MEIOC: variants seen among roughly 807,000 people sequenced by gnomAD.
MEIOC encodes the protein meiosis-specific coiled-coil domain-containing protein MEIOC.
A neutral mutation model predicts 85.3 loss-of-function variants in MEIOC; 9 were observed. That is an observed-to-expected ratio of 0.11 (90% CI 0.06 to 0.18). The LOEUF (loss-of-function observed/expected upper bound fraction) is 0.18. Ranked by LOEUF, MEIOC falls within the 10% of genes least tolerant of loss-of-function variation. The pLI is 1.00. For missense variants in MEIOC, 898 were observed against 1,129.4 expected, an observed-to-expected ratio of 0.80 and a Z score of 2.94; for synonymous variants, 365 against 393.7, an observed-to-expected ratio of 0.93 and a Z score of 0.86.
intron 3 of MEIOC, among the ~76,000 whole-genome samples, chr17:44,663,268 T>TTGATGATGATGATGA (rs10638687): frequency 6.8e-6 from 1 of 147,890 alleles, no homozygotes; most frequent in African/African-American, 2.5e-5. Flanking sequence ...CTTTATAATC[T>TTGATGATGATGATGA]TGATGATGAT....
downstream of MEIOC, chr17:44,676,882 T>G (rs1447308813): frequency 2.3e-6 from 2 of 865,950 alleles, no homozygotes; most frequent in Admixed American, 1.2e-4. Flanking sequence ...AAGGATTTAT[T>G]AGCACCTGAG....
At chr17:44,664,763 C>CA (rs1482568231) in intron 3 of MEIOC, among the ~76,000 whole-genome samples, 1 of 152,188 alleles carries the variant, frequency 6.6e-6, no homozygotes, top group African/African-American at 2.4e-5. Flanking sequence ...TAGTCAGTAT[C>CA]AGTCACTAGG....
Position 44,657,111 on chromosome 17 carries a change from T to C in MEIOC, c.70-16T>C. 2 of 1,545,846 alleles carry C rather than the reference T, an allele frequency of 1.3e-6. No homozygotes were observed. The highest frequency in any genetic ancestry group is 1.2e-5 in the South Asian group (1 of 84,012). On this transcript the variant is annotated splice_polypyrimidine_tract_variant and intron_variant, in intron 1 of 7. Transcript: ENST00000409122. Reference sequence around the variant, plus strand: ...CGTGACCACTTTCTGATATTTCCTATTCCCGTGTGCTGCAGCCCAAAGTCG... The same window carrying C: ...CGTGACCACTTTCTGATATTTCCTACTCCCGTGTGCTGCAGCCCAAAGTCG...
Position 44,667,385 on chromosome 17 carries a change from C to G in MEIOC, c.1474C>G (p.Arg492Gly). The G allele has an allele frequency of 6.2e-7, 1 of 1,613,686 alleles. No homozygotes were observed. The highest frequency in any genetic ancestry group is 1.1e-5 in the South Asian group (1 of 91,074). ...AAAAAATAACACTCCTATTCCTTAT[C>G]GAAATCAAGGTAACTTGATGAAATT... is the stretch of plus-strand genomic sequence containing the variant. Reference protein sequence around the residue: ...QTKNNTPIPYRNQGNLMKLNS... With the variant: ...QTKNNTPIPYGNQGNLMKLNS... Residue 492 changes from arginine to glycine, a missense_variant, in exon 5 of 8, where the codon CGA becomes GGA. Arg to Gly is a moderately radical substitution (Grantham distance 125). This residue lies in a region of MEIOC where 734 missense variants were observed against 860.1 expected (regional missense o/e 0.85). Transcript: ENST00000409122.
chr17:44,673,961 A>T lies in MEIOC; in HGVS notation c.2639-15A>T, dbSNP rs1158071870. ...GGCATTTAATATGAAATGACCCTGA[A>T]TGTTTATTTTACAGATGTTTTTGCC... On this transcript the variant is annotated splice_polypyrimidine_tract_variant and intron_variant, in intron 7 of 7. Coordinates refer to ENST00000409122, the MANE Select transcript of MEIOC (RefSeq NM_001145080.3). The T allele has an allele frequency of 1.3e-6, 2 of 1,549,728 alleles. No homozygotes were observed. Among genetic ancestry groups the T allele is most frequent in the Non-Finnish European group, 1.7e-6 (2 of 1,145,466 alleles).
At chr17:44,660,931 T>A (rs1267543012) in intron 2 of MEIOC, among the ~76,000 whole-genome samples, 72 of 139,780 alleles carry the variant, frequency 5.2e-4, no homozygotes, top group African/African-American at 1.8e-3. Flanking sequence ...CATTTCTATT[T>A]AAAAAAAAAA....
intron 2 of MEIOC, among the ~76,000 whole-genome samples, chr17:44,658,805 A>G (rs1022893908): frequency 6.6e-6 from 1 of 151,748 alleles, no homozygotes; most frequent in African/African-American, 2.4e-5. Flanking sequence ...AAAAAAAAAA[A>G]AAAGAAAAAA....
chr17:44,666,234 C>CT, intron 4 of MEIOC, 142 bp from the exon 5 acceptor site: 2 of 655,150 alleles, frequency 3.1e-6, no homozygotes, highest in Non-Finnish European at 5.1e-6. Flanking sequence ...CTAATGGTAG[C>CT]TTATAAAGCA....
intron 6 of MEIOC, chr17:44,669,912 T>A (rs1480518754): frequency 1.8e-5 from 3 of 165,672 alleles, no homozygotes; most frequent in Non-Finnish European, 3.9e-5. Context: ...GAAGGGTTTT[T>A]AAATCACATT....
rs1043906285 is a variant in MEIOC at position 44,656,547 on chromosome 17, A to G, written c.-67A>G. ...TGCGGGCTGAGGGAGCCGGGCCTGG[A>G]CGCCCCCCCCATCACCCCCGTACCC... On this transcript the variant is annotated 5_prime_UTR_variant, in exon 1 of 8. Transcript: ENST00000409122. The G allele has an allele frequency of 2.4e-6, 3 of 1,241,866 alleles. No individual in the cohort carries two copies. Among genetic ancestry groups the G allele is most frequent in the African/African-American group, 3.2e-5 (2 of 62,280 alleles). 76.9% of individuals were successfully genotyped at this position (1,241,866 alleles called of 1,614,324 possible).
At chr17:44,659,108 TA>T (rs1971811200) in intron 2 of MEIOC, among the ~76,000 whole-genome samples, 1 of 152,218 alleles carries the variant, frequency 6.6e-6, no homozygotes, top group South Asian at 2.1e-4. Flanking sequence ...TTGGGTAATG[TA>T]AGTAATTTTC....
rs1392266454 is a variant in MEIOC, at chr17:44,657,109, T to A, written c.70-18T>A. 1 of 1,545,466 alleles carries A rather than the reference T, an allele frequency of 6.5e-7. No individual in the cohort carries two copies. Among genetic ancestry groups the A allele is most frequent in the South Asian group, 1.2e-5 (1 of 84,012 alleles). On this transcript the variant is annotated intron_variant, in intron 1 of 7. Coordinates refer to ENST00000409122, the MANE Select transcript of MEIOC (RefSeq NM_001145080.3). Reference sequence around the variant, plus strand: ...CTCGTGACCACTTTCTGATATTTCCTATTCCCGTGTGCTGCAGCCCAAAGT... The same window carrying A: ...CTCGTGACCACTTTCTGATATTTCCAATTCCCGTGTGCTGCAGCCCAAAGT...
chr17:44,659,534 T>C (rs1040501970), intron 2 of MEIOC, among the ~76,000 whole-genome samples: 1 of 152,226 alleles, frequency 6.6e-6, no homozygotes, highest in Admixed American at 6.5e-5. Flanking sequence ...CACATTACTT[T>C]AGTTGTTTTA....
Position 44,662,376 on chromosome 17 carries a change from A to G in MEIOC, c.264A>G (p.Ser88=). 2 of 1,549,746 alleles carry G rather than the reference A, an allele frequency of 1.3e-6. No homozygotes were observed. Among genetic ancestry groups the G allele is most frequent in the Non-Finnish European group, 1.7e-6 (2 of 1,145,504 alleles). Reference sequence around the variant, plus strand: ...CTCCATTTTCTTCAACAGAATATTCAAGTTCTGTAGATTCTTCACTTTTCT... The same window carrying G: ...CTCCATTTTCTTCAACAGAATATTCGAGTTCTGTAGATTCTTCACTTTTCT... ...TYTPFSSTEY[S]SSVDSSLFCA... is the part of the protein sequence containing the mutation. Residue 88 remains serine, a synonymous_variant, in exon 3 of 8, where the codon TCA becomes TCG. Transcript: ENST00000409122.
chr17:44,665,174 A>G, intron 3 of MEIOC: 1 of 1,071,708 alleles, frequency 9.3e-7, no homozygotes, highest in Non-Finnish European at 1.1e-6. Flanking sequence ...AGGATTTGAA[A>G]TGAAGGAGAA....
At position 44,673,422 on chromosome 17, in the gene MEIOC, T is replaced by C. The variant is rs1467103961; in HGVS notation, c.2514T>C (p.Ser838=). The stretch of plus-strand genomic sequence containing the variant: ...TTCGGAGTTCTCTTCTTCATGCCAG[T>C]ATCTCTACTGCTCTTGATAGACACT... ...ERLRSSLLHA[S]ISTALDRHLE... The change falls in exon 7 of 8, where the codon AGT becomes AGC. Residue 838 remains serine (S), a synonymous_variant. Coordinates refer to ENST00000409122, the MANE Select transcript of MEIOC (RefSeq NM_001145080.3). 8.4e-6 allele frequency: 13 copies of C among 1,550,536 alleles called. No homozygotes were observed. The highest frequency in any genetic ancestry group is 1.0e-5 in the Non-Finnish European group (12 of 1,146,708).
chr17:44,657,378 C>CTTTTT (rs35032511), intron 2 of MEIOC, 117 bp downstream of exon 2: 12 of 296,048 alleles, frequency 4.1e-5, no homozygotes, highest in African/African-American at 2.2e-4. Flanking sequence ...CCAGGGAAAA[C>CTTTTT]TTTTTTTTTT....
chr17:44,664,760 T>C (rs990615520), intron 3 of MEIOC, among the ~76,000 whole-genome samples: 2 of 152,204 alleles, frequency 1.3e-5, no homozygotes, highest in African/African-American at 4.8e-5. Context: ...ATTTAGTCAG[T>C]ATCAGTCACT....
chr17:44,670,143 G>A (rs1296434057), intron 6 of MEIOC: 1 of 151,504 alleles, frequency 6.6e-6, no homozygotes, highest in African/African-American at 2.4e-5. Flanking sequence ...GGTGTCACAT[G>A]CTTATGCTAC....
Sources: gnomAD v4.1 joint callset for allele counts (sites outside exome capture counted in the v4.1 genomes callset) on GRCh38, gnomAD v4.1.1 for gene constraint, gnomAD v4.1.1 regional missense constraint, MANE v1.5 for transcripts, NCBI Gene and HGNC (gene_info 2026-07-23, HGNC 2026-07-21) for gene names.